VSX1: variants seen among roughly 807,000 people sequenced by gnomAD.
VSX1 encodes the protein homeodomain protein RINX.
Under a neutral mutation model 23.6 loss-of-function variants are expected in VSX1, and 23 were observed. That is an observed-to-expected ratio of 0.97 (90% confidence interval 0.70 to 1.38). VSX1 has a LOEUF of 1.38. VSX1 is among the 40% of genes most tolerant of loss of function. The probability of loss-of-function intolerance (pLI) is 0.00; values close to 1 mark genes in which losing one functional copy is unlikely to be tolerated. For missense variants in VSX1, 517 were observed against 495.4 expected, an observed-to-expected ratio of 1.04 and a Z score of -0.41; for synonymous variants, 247 against 215.1, an observed-to-expected ratio of 1.15 and a Z score of -1.30.
chr20:25,078,160 C>T (rs1161073089), intron 3 of VSX1, among the ~76,000 whole-genome samples: 1 of 152,190 alleles, frequency 6.6e-6, no homozygotes, highest in African/African-American at 2.4e-5. Context: ...ACTAAAGAAT[C>T]AAACTCCCTT....
chr20:25,081,302 G>C, intron 1 of VSX1: 1 of 479,312 alleles, frequency 2.1e-6, no homozygotes, highest in Non-Finnish European at 4.0e-6. Context: ...CCACAGGCCC[G>C]GGCCTTCCCG....
At chr20:25,073,948 G>A (rs777220269), downstream of VSX1, among the ~76,000 whole-genome samples, 1 of 152,154 alleles carries the variant, frequency 6.6e-6, no homozygotes, top group African/African-American at 2.4e-5. Context: ...TGCTCTTAGG[G>A]CGACGTTTTG....
chr20:25,078,784 G>A lies in VSX1; in HGVS notation c.627+45C>T, dbSNP rs534477257. ...GGCTCACTGAATGTGGGAATGACACGTTCTCTGTGGTATCTTTGGAGCGGA... is the reference window on the plus strand; with the variant it reads ...GGCTCACTGAATGTGGGAATGACACATTCTCTGTGGTATCTTTGGAGCGGA... On this transcript the variant is annotated intron_variant, in intron 3 of 4. Coordinates refer to ENST00000376709, the MANE Select transcript of VSX1 (RefSeq NM_014588.6). 25 of 1,614,154 alleles carry A rather than the reference G, an allele frequency of 1.5e-5. No homozygotes were observed. In the Admixed American group the frequency reaches 2.7e-4, roughly 17 times the overall value.
Position 25,081,881 on chromosome 20 carries a change from G to A in VSX1, c.216C>T (p.Ser72=). 1 of 1,527,936 alleles carries A rather than the reference G, an allele frequency of 6.5e-7. No individual in the cohort carries two copies. Among genetic ancestry groups the A allele is most frequent in the Non-Finnish European group, 8.7e-7 (1 of 1,144,002 alleles). The allele number at this position is 1,527,936 out of a possible 1,614,324, so 94.6% of individuals were successfully genotyped here. The part of the protein sequence containing the change: ...PCPGPGLDGS[S]LARGALPLGL... Reference sequence around the variant, plus strand: ...CCAGCGGTAGGGCCCCACGCGCCAGGCTGGAGCCGTCAAGCCCCGGGCCCG... The same window carrying A: ...CCAGCGGTAGGGCCCCACGCGCCAGACTGGAGCCGTCAAGCCCCGGGCCCG... Residue 72 remains serine, a synonymous_variant, in exon 1 of 5, where the codon AGC becomes AGT. Coordinates refer to ENST00000376709, the MANE Select transcript of VSX1 (RefSeq NM_014588.6).
At chr20:25,072,110 C>A (rs1454935402), downstream of VSX1, 5 of 591,158 alleles carry the variant, frequency 8.5e-6, no homozygotes, top group Non-Finnish European at 9.2e-6. Flanking sequence ...GAGCGAGAGA[C>A]TGTGGCTTAG....
downstream of VSX1, chr20:25,071,445 C>A (rs2122827930): frequency 2.2e-6 from 1 of 452,934 alleles, no homozygotes; most frequent in South Asian, 1.6e-5. Flanking sequence ...GCACTCCAGC[C>A]TGGAGACAGA....
rs771474952 is a variant in VSX1 at position 25,076,354 on chromosome 20, C to G, written c.1005G>C (p.Glu335Asp). ...AIDLSSSARQ[E>D]TKKVHPGAGA... Reference sequence around the variant, plus strand: ...CAGCCCCAGGGTGCACTTTCTTGGTCTCCTGCCGGGCAGAGCTGGAGAGGT... The same window carrying G: ...CAGCCCCAGGGTGCACTTTCTTGGTGTCCTGCCGGGCAGAGCTGGAGAGGT... Residue 335 changes from glutamate (E) to aspartate (D), a missense_variant, in exon 5 of 5, where the codon GAG (glutamate) becomes GAC (aspartate). By Grantham distance (45) the Glu-to-Asp change is conservative. Coordinates refer to ENST00000376709, the MANE Select transcript of VSX1 (RefSeq NM_014588.6). 5.0e-6 allele frequency: 8 copies of G among 1,614,040 alleles called. No homozygotes were observed. The South Asian group carries it at 6.6e-5, about 13-fold the overall frequency.
rs976933895 is a variant in VSX1, at chr20:25,076,175, A to C, written c.*86T>G. The C allele has an allele frequency of 1.9e-6, 3 of 1,576,374 alleles. No homozygotes were observed. In the African/African-American group the frequency reaches 4.0e-5, roughly 21 times the overall value. On this transcript the variant is annotated 3_prime_UTR_variant, in exon 5 of 5. Transcript: ENST00000376709. ...GTCAGAAGAAAATCAAACTGAGAGT[A>C]TATGTCTTGGACAATTTTTGTCTTT...
intron 1 of VSX1, among the ~76,000 whole-genome samples, chr20:25,080,761 G>A (rs984989087): frequency 2.6e-5 from 4 of 152,150 alleles, no homozygotes; most frequent in East Asian, 1.9e-4. Flanking sequence ...TTTATCTTAC[G>A]TAGAGCTCAT....
chr20:25,072,186 G>A (rs2089393367), downstream of VSX1, among the ~76,000 whole-genome samples: 1 of 152,148 alleles, frequency 6.6e-6, no homozygotes, highest in South Asian at 2.1e-4. Context: ...CCACAGTTTG[G>A]GGGTAATTGA....
downstream of VSX1, chr20:25,071,346 G>A (rs1277659187): frequency 3.3e-5 from 15 of 453,848 alleles, no homozygotes; most frequent in African/African-American, 2.0e-4. Flanking sequence ...AGTGGCTCAC[G>A]CTGTAATCCT....
intron 2 of VSX1, 97 bp downstream of exon 2, chr20:25,079,339 C>A: frequency 7.8e-7 from 1 of 1,280,148 alleles, no homozygotes; most frequent in Non-Finnish European, 1.1e-6. Flanking sequence ...ACTGGGCCTG[C>A]TATCATGCCG....
downstream of VSX1, chr20:25,075,417 G>A (rs550621596): frequency 6.6e-6 from 1 of 152,246 alleles, no homozygotes; most frequent in African/African-American, 2.4e-5. Flanking sequence ...TGGGATCAGA[G>A]ATAGTGGAGA....
At position 25,081,761 on chromosome 20, in the gene VSX1, C is replaced by A. The variant is rs1260855619; in HGVS notation, c.336G>T (p.Arg112Ser). The A allele has an allele frequency of 4.0e-6, 6 of 1,500,380 alleles. No homozygotes were observed. In the East Asian group the frequency reaches 8.0e-5, roughly 20 times the overall value. The allele number at this position is 1,500,380 out of a possible 1,614,324, so 92.9% of individuals were successfully genotyped here. A position where few individuals can be genotyped will look rare whatever the true frequency, so the allele number is the denominator to read the frequency against. The change falls in exon 1 of 5, where the codon AGG (arginine) becomes AGT (serine). Residue 112 changes from arginine to serine, a missense_variant. Transcript: ENST00000376709. ...CCAGCGGGGCAGCGGGCTCGGGGCC[C>A]CTGGGCGGCAGGAACGGCACGTCCG... Reference protein sequence around the residue: ...LLADVPFLPPRGPEPAAPLAP... With the variant: ...LLADVPFLPPSGPEPAAPLAP...
chr20:25,071,138 G>A (rs8122926), downstream of VSX1: 428 of 454,076 alleles, frequency 9.4e-4, 5 homozygotes, highest in Middle Eastern at 3.5e-3. Flanking sequence ...TCAGTAAGAG[G>A]AATCAGGGCA....
chr20:25,079,320 C>G, intron 2 of VSX1, 116 bp downstream of exon 2: 7 of 1,115,858 alleles, frequency 6.3e-6, no homozygotes, highest in Admixed American at 2.7e-5. Context: ...CATTGCCAAC[C>G]AGGAAACCAC....
chr20:25,074,926 T>C (rs995784101), downstream of VSX1, among the ~76,000 whole-genome samples: 2 of 152,216 alleles, frequency 1.3e-5, no homozygotes, highest in African/African-American at 4.8e-5. Context: ...TGCCAACTGC[T>C]CATTATGGGT....
In VSX1 at chr20:25,077,779, G is replaced by C. The variant is rs375947949; in HGVS notation, c.714C>G (p.Tyr238Ter). Residue 238 changes from tyrosine to a stop codon, truncating the protein, a stop_gained, in exon 4 of 5, where the codon TAC becomes TAG. Transcript: ENST00000376709. LOFTEE classifies it high-confidence loss of function. ...GGATGCAGTGGCGCACCATGGCCCC[G>C]TACAGCCCGTACTCGGCCATCACGC... ...GSSVMAEYGL[Y>*]GAMVRHCIPL... The C allele has an allele frequency of 3.2e-6, 5 of 1,550,876 alleles. No individual in the cohort carries two copies. The African/African-American group carries it at 6.8e-5, about 21-fold the overall frequency.
chr20:25,079,318 A>G, intron 2 of VSX1, 118 bp downstream of exon 2: 2 of 1,090,574 alleles, frequency 1.8e-6, no homozygotes, highest in South Asian at 1.6e-5. Flanking sequence ...CCCATTGCCA[A>G]CCAGGAAACC....
Sources: gnomAD v4.1 joint callset for allele counts (sites outside exome capture counted in the v4.1 genomes callset) on GRCh38, gnomAD v4.1.1 for gene constraint, MANE v1.5 for transcripts, NCBI Gene and HGNC (gene_info 2026-07-23, HGNC 2026-07-21) for gene names.